Variants in ADCY2 observed in about 807,000 individuals in gnomAD.
ADCY2 encodes the protein adenylate cyclase type 2.
In ADCY2, 31 loss-of-function variants were observed where a neutral mutation model predicts 125.2. The ratio of observed to expected loss-of-function variants is 0.25; its 90% CI spans 0.19 to 0.33. The LOEUF is 0.33. Ranked by LOEUF, ADCY2 falls within the 10% of genes least tolerant of loss-of-function variation. ADCY2 has a pLI of 1.00. For missense variants in ADCY2, 904 were observed against 1,418.2 expected, an observed-to-expected ratio of 0.64 and a Z score of 5.82; for synonymous variants, 512 against 548.4, an observed-to-expected ratio of 0.93 and a Z score of 0.93.
intron 3 of ADCY2, among the ~76,000 whole-genome samples, chr5:7,555,635 T>C (rs1735485965): frequency 6.6e-6 from 1 of 152,200 alleles, no homozygotes; most frequent in African/African-American, 2.4e-5. Context: ...GAGGGTTAGG[T>C]ACTTTCGAAG....
chr5:7,397,949 C>T (rs562928321), intron 1 of ADCY2, among the ~76,000 whole-genome samples: 17 of 152,292 alleles, frequency 1.1e-4, no homozygotes, highest in African/African-American at 3.1e-4. Context: ...TTTTATCTCT[C>T]TTTACTACTT....
At chr5:7,407,472 GGA>G (rs147362462) in intron 1 of ADCY2, among the ~76,000 whole-genome samples, 2 of 150,928 alleles carry the variant, frequency 1.3e-5, no homozygotes, top group Middle Eastern at 3.4e-3. Flanking sequence ...TATGATGGCA[GGA>G]GAGAGAGAGA....
At chr5:7,621,456 G>A (rs1737950486) in intron 3 of ADCY2, among the ~76,000 whole-genome samples, 1 of 152,240 alleles carries the variant, frequency 6.6e-6, no homozygotes, top group South Asian at 2.1e-4. Flanking sequence ...GGTTGTGTGT[G>A]TGGTGGAGAA....
At chr5:7,561,191 G>A (rs1393658568) in intron 3 of ADCY2, among the ~76,000 whole-genome samples, 3 of 152,070 alleles carry the variant, frequency 2.0e-5, no homozygotes, top group Admixed American at 2.0e-4. Flanking sequence ...TTTTTTCAAT[G>A]CTTTTAACAG....
chr5:7,519,698 A>G (rs967812092), intron 2 of ADCY2, among the ~76,000 whole-genome samples: 1 of 152,192 alleles, frequency 6.6e-6, no homozygotes, highest in East Asian at 1.9e-4. Flanking sequence ...AAATTACCCA[A>G]TTTAAGTTGG....
intron 3 of ADCY2, among the ~76,000 whole-genome samples, chr5:7,566,336 A>T (rs1020956069): frequency 1.3e-5 from 2 of 152,154 alleles, no homozygotes; most frequent in Admixed American, 6.6e-5. Context: ...AATTAAAAAA[A>T]ATTAAAAAAA....
chr5:7,630,053 C>A (rs1044817958), intron 4 of ADCY2, among the ~76,000 whole-genome samples: 1 of 152,126 alleles, frequency 6.6e-6, no homozygotes. Flanking sequence ...TATGACAGAA[C>A]ATTCCTTTTA....
At chr5:7,431,172 C>T (rs1463103460) in intron 2 of ADCY2, among the ~76,000 whole-genome samples, 6 of 152,154 alleles carry the variant, frequency 3.9e-5, no homozygotes, top group South Asian at 2.1e-4. Flanking sequence ...ATCAAGATAG[C>T]GTGATATTGG....
chr5:7,559,692 C>T (rs539289237), intron 3 of ADCY2, among the ~76,000 whole-genome samples: 9 of 152,224 alleles, frequency 5.9e-5, no homozygotes, highest in African/African-American at 2.2e-4. Flanking sequence ...TTAGCCCTGG[C>T]CAGAGCTTCT....
intron 18 of ADCY2, among the ~76,000 whole-genome samples, chr5:7,777,321 G>T (rs775728908): frequency 6.6e-6 from 1 of 152,186 alleles, no homozygotes; most frequent in Non-Finnish European, 1.5e-5. Flanking sequence ...CAGAAGAGAA[G>T]ATCTGAACTA....
chr5:7,426,540 C>T (rs1740395461), intron 2 of ADCY2, among the ~76,000 whole-genome samples: 1 of 152,124 alleles, frequency 6.6e-6, no homozygotes, highest in African/African-American at 2.4e-5. Context: ...GTTGTCAGGT[C>T]CTAATCACCT....
At chr5:7,488,139 A>G (rs1743012598) in intron 2 of ADCY2, among the ~76,000 whole-genome samples, 2 of 152,162 alleles carry the variant, frequency 1.3e-5, no homozygotes, top group South Asian at 4.1e-4. Context: ...GGCCAGGTGG[A>G]GATGACTGAC....
intron 1 of ADCY2, among the ~76,000 whole-genome samples, chr5:7,404,602 G>C (rs994850606): frequency 1.3e-5 from 2 of 152,182 alleles, no homozygotes; most frequent in African/African-American, 2.4e-5. Context: ...TACTGGCGAT[G>C]AACACTTTCC....
intron 2 of ADCY2, among the ~76,000 whole-genome samples, chr5:7,489,520 G>A (rs1401345775): frequency 6.6e-6 from 1 of 152,144 alleles, no homozygotes; most frequent in Admixed American, 6.5e-5. Context: ...TAGTGAGTGA[G>A]TCTCACAAGA....
chr5:7,511,591 T>A (rs1367042499), intron 2 of ADCY2, among the ~76,000 whole-genome samples: 1 of 150,492 alleles, frequency 6.6e-6, no homozygotes, highest in African/African-American at 2.4e-5. Context: ...GAAAAAAAAA[T>A]GTAGTGTGAT....
chr5:7,732,721 A>G (rs111371221), intron 14 of ADCY2, among the ~76,000 whole-genome samples: 1,779 of 152,266 alleles, frequency 0.012, 41 homozygotes, highest in African/African-American at 0.041. Context: ...GTGTTTTTGA[A>G]AAAGGGAAAG....
chr5:7,617,281 G>A (rs1737798232), intron 3 of ADCY2, among the ~76,000 whole-genome samples: 1 of 152,106 alleles, frequency 6.6e-6, no homozygotes, highest in Admixed American at 6.5e-5. Flanking sequence ...TCTGTTTTGT[G>A]TAAGTTACCC....
chr5:7,606,271 T>C (rs1192473760), intron 3 of ADCY2, among the ~76,000 whole-genome samples: 1 of 152,140 alleles, frequency 6.6e-6, no homozygotes, highest in African/African-American at 2.4e-5. Flanking sequence ...AAAAATTGGA[T>C]TGGAAATTAG....
At chr5:7,549,075 G>T (rs1029306710) in intron 3 of ADCY2, among the ~76,000 whole-genome samples, 2 of 152,276 alleles carry the variant, frequency 1.3e-5, no homozygotes, top group Non-Finnish European at 2.9e-5. Context: ...AACTGCTATA[G>T]CCTCTGTCCT....
Sources: allele counts gnomAD v4.1 joint callset (sites outside exome capture counted in the v4.1 genomes callset), GRCh38; gene constraint gnomAD v4.1.1; transcripts MANE v1.5; gene names NCBI Gene and HGNC (gene_info 2026-07-23, HGNC 2026-07-21).